KAZN: variants seen among roughly 807,000 people sequenced by gnomAD.
KAZN encodes the protein kazrin, periplakin interacting protein.
KAZN carries 40 observed loss-of-function variants against 87.4 expected under a neutral mutation model. The ratio of observed to expected loss-of-function variants is 0.46; its 90% confidence interval spans 0.36 to 0.60. The LOEUF (loss-of-function observed/expected upper bound fraction) is 0.60, where lower values mean the gene tolerates loss of function less well. KAZN is among the 20% of genes least tolerant of loss of function. The pLI is 0.00. For synonymous variants in KAZN, 466 were observed against 458.3 expected (o/e 1.02, Z -0.22); for missense variants, 898 against 1,073.9 (o/e 0.84, Z 2.29).
intron 1 of KAZN, among the ~76,000 whole-genome samples, chr1:14,920,750 TCACATGCCCAGAAGCTGG>T (rs1658418928): frequency 6.6e-6 from 1 of 152,070 alleles, no homozygotes; most frequent in South Asian, 2.1e-4. Flanking sequence ...ACCACACAGG[TCACATGCCCAGAAGCTGG>T]CTCTGCAAAG....
intron 1 of KAZN, among the ~76,000 whole-genome samples, chr1:14,892,490 C>G (rs1654821540): frequency 6.6e-6 from 1 of 151,902 alleles, no homozygotes; most frequent in Admixed American, 6.6e-5. Context: ...TTGTTTCCCC[C>G]CAGACACCAC....
intron 2 of KAZN, among the ~76,000 whole-genome samples, chr1:14,545,228 G>T (rs1050481171): frequency 6.6e-6 from 1 of 152,162 alleles, no homozygotes; most frequent in Non-Finnish European, 1.5e-5. Context: ...CAATTTCCAC[G>T]GTGTTACTGA....
At chr1:14,658,086 G>A (rs1482622470) in intron 1 of KAZN, among the ~76,000 whole-genome samples, 1 of 152,146 alleles carries the variant, frequency 6.6e-6, no homozygotes, top group Non-Finnish European at 1.5e-5. Flanking sequence ...CTGGAGTCTT[G>A]TAGCGACCTG....
intron 1 of KAZN, among the ~76,000 whole-genome samples, chr1:14,797,982 T>C (rs776074408): frequency 1.8e-4 from 27 of 152,224 alleles, no homozygotes; most frequent in Non-Finnish European, 3.4e-4. Flanking sequence ...AGTTGCTCTT[T>C]GTACACTGGG....
In KAZN at chr1:14,810,547, C is replaced by T. The variant is rs753919734; in HGVS notation, c.227-150137C>T. ...GGAATACTTTAATGAGTGTCCACTC[C>T]GCTCTAGACACTCTGATGGACATGA... is the stretch of plus-strand genomic sequence containing the variant. On this transcript the variant is annotated intron_variant, in intron 1 of 14. Coordinates refer to ENST00000376030, the MANE Select transcript of KAZN (RefSeq NM_201628.3). Among the ~76,000 whole-genome samples, 13 of 152,142 alleles carry T rather than the reference C, an allele frequency of 8.5e-5. No homozygotes were observed. In the East Asian group the frequency reaches 2.5e-3, roughly 29 times the overall value.
chr1:14,555,031 C>T (rs1467505768), intron 2 of KAZN, among the ~76,000 whole-genome samples: 5 of 152,150 alleles, frequency 3.3e-5, no homozygotes, highest in South Asian at 4.1e-4. Flanking sequence ...CAGTTACAGC[C>T]GTGGAGGGAC....
chr1:14,457,781 A>G (rs1667642970), intron 2 of KAZN, among the ~76,000 whole-genome samples: 1 of 150,910 alleles, frequency 6.6e-6, no homozygotes, highest in South Asian at 2.1e-4. Flanking sequence ...AATTTTCTTC[A>G]TGGAAGTGTA....
intron 2 of KAZN, among the ~76,000 whole-genome samples, chr1:14,428,788 G>A (rs945817063): frequency 2.0e-5 from 3 of 151,948 alleles, no homozygotes; most frequent in Non-Finnish European, 4.4e-5. Flanking sequence ...GAACAGTATG[G>A]GGGAAACCAC....
chr1:15,058,004 C>A (rs947526288), intron 5 of KAZN, among the ~76,000 whole-genome samples: 2 of 152,236 alleles, frequency 1.3e-5, no homozygotes, highest in Non-Finnish European at 2.9e-5. Flanking sequence ...ATACAACCAT[C>A]TCCATGCATT....
intron 1 of KAZN, among the ~76,000 whole-genome samples, chr1:14,753,888 G>T (rs896507326): frequency 2.0e-5 from 3 of 152,358 alleles, no homozygotes; most frequent in Admixed American, 2.0e-4. Context: ...GTCTGGTGAG[G>T]CTGTTCTCTG....
At chr1:14,009,980 A>C (rs936720386) in intron 1 of KAZN, among the ~76,000 whole-genome samples, 3 of 152,148 alleles carry the variant, frequency 2.0e-5, no homozygotes, top group Admixed American at 2.0e-4. Context: ...TCCCCTGTTT[A>C]CTTTTGGCAG....
chr1:14,990,627 C>T (rs1324556084), intron 2 of KAZN, among the ~76,000 whole-genome samples: 1 of 152,036 alleles, frequency 6.6e-6, no homozygotes, highest in Non-Finnish European at 1.5e-5. Flanking sequence ...AGAGTCATTG[C>T]AGCAGAGACC....
intron 1 of KAZN, among the ~76,000 whole-genome samples, chr1:14,700,703 G>C (rs1480088214): frequency 6.6e-6 from 1 of 152,078 alleles, no homozygotes; most frequent in Non-Finnish European, 1.5e-5. Flanking sequence ...AAAGGCAATG[G>C]TGTGGCTTGC....
At chr1:15,062,310 A>C (rs894735808) in intron 6 of KAZN, 7 of 152,684 alleles carry the variant, frequency 4.6e-5, no homozygotes, top group African/African-American at 1.7e-4. Context: ...TTTGGCAAAG[A>C]TGTTCCTATC....
intron 1 of KAZN, among the ~76,000 whole-genome samples, chr1:14,603,396 C>CCTGATAGG (rs3085958): frequency 6.6e-6 from 1 of 151,552 alleles, no homozygotes; most frequent in Non-Finnish European, 1.5e-5. Context: ...CTTTTCCTAA[C>CCTGATAGG]CTGTCATGGG....
At chr1:14,606,147 T>G (rs1433203128) in intron 1 of KAZN, among the ~76,000 whole-genome samples, 5 of 152,224 alleles carry the variant, frequency 3.3e-5, no homozygotes, top group Non-Finnish European at 7.3e-5. Flanking sequence ...ACATCCAGGA[T>G]CACTCAACTG....
chr1:14,940,780 C>T (rs1660968700), intron 1 of KAZN, among the ~76,000 whole-genome samples: 2 of 151,566 alleles, frequency 1.3e-5, no homozygotes, highest in Admixed American at 6.6e-5. Flanking sequence ...TGGAAGCAGG[C>T]AGGAAGAGGG....
intron 1 of KAZN, among the ~76,000 whole-genome samples, chr1:14,665,671 GCTAACCATCCTTACCTC>G (rs915383699): frequency 3.3e-5 from 5 of 152,098 alleles, no homozygotes; most frequent in African/African-American, 1.2e-4. Context: ...AAGTGGAGGG[GCTAACCATCCTTACCTC>G]CTAACGATTC....
intron 2 of KAZN, among the ~76,000 whole-genome samples, chr1:14,277,615 A>T (rs1464398314): frequency 6.6e-6 from 1 of 151,326 alleles, no homozygotes; most frequent in Non-Finnish European, 1.5e-5. Context: ...GTGAGCCAAG[A>T]TCGTGCCATT....
Sources: allele counts gnomAD v4.1 joint callset (sites outside exome capture counted in the v4.1 genomes callset), GRCh38; gene constraint gnomAD v4.1.1; transcripts MANE v1.5; gene names NCBI Gene and HGNC (gene_info 2026-07-23, HGNC 2026-07-21).